The following PTPN14 variants were observed in gnomAD, a reference collection of about 807,000 sequenced individuals.
PTPN14 encodes the protein protein tyrosine phosphatase non-receptor type 14.
PTPN14 carries 53 observed loss-of-function variants against 126.8 expected under a neutral mutation model. That is an observed-to-expected ratio of 0.42 (90% CI 0.34 to 0.53). The LOEUF is 0.53. PTPN14 is among the 20% of genes least tolerant of loss of function. The probability of loss-of-function intolerance (pLI) is 0.08; values close to 1 mark genes in which losing one functional copy is unlikely to be tolerated. For synonymous variants in PTPN14, 630 were observed against 599.3 expected, an observed-to-expected ratio of 1.05 and a Z score of -0.75; for missense variants, 1,257 against 1,552.9, an observed-to-expected ratio of 0.81 and a Z score of 3.20.
At chr1:214,532,462 A>C (rs1655576712) in intron 1 of PTPN14, 1 of 826,436 alleles carries the variant, frequency 1.2e-6, no homozygotes, top group Non-Finnish European at 2.1e-6. Flanking sequence ...CTGGCCTCCT[A>C]CCTGGACAGA....
chr1:214,526,208 C>T (rs1655393132), intron 1 of PTPN14, among the ~76,000 whole-genome samples: 1 of 152,028 alleles, frequency 6.6e-6, no homozygotes, highest in African/African-American at 2.4e-5. Flanking sequence ...TCAGGTGATC[C>T]GCCTGCTTCC....
chr1:214,447,161 T>C (rs754342325), intron 3 of PTPN14, among the ~76,000 whole-genome samples: 1 of 152,142 alleles, frequency 6.6e-6, no homozygotes, highest in Non-Finnish European at 1.5e-5. Flanking sequence ...CCGCTCCTAA[T>C]GAATGTTGTT....
chr1:214,429,845 A>G (rs1659757803), intron 3 of PTPN14, among the ~76,000 whole-genome samples: 1 of 152,198 alleles, frequency 6.6e-6, no homozygotes, highest in African/African-American at 2.4e-5. Flanking sequence ...CATTTTTTCA[A>G]AACAGGGTTT....
chr1:214,476,912 T>C (rs1660881060), intron 1 of PTPN14, among the ~76,000 whole-genome samples: 1 of 152,226 alleles, frequency 6.6e-6, no homozygotes. Context: ...CTTCACGGAA[T>C]ACTGCAGGAA....
Position 214,369,667 on chromosome 1 carries a change from G to A in PTPN14, c.3061C>T (p.Arg1021Ter), listed in dbSNP as rs771183448. Residue 1021 changes from arginine to a stop codon, truncating the protein, a stop_gained, in exon 17 of 19, where the codon CGA (arginine) becomes TGA (stop). Transcript: ENST00000366956. LOFTEE classifies it high-confidence loss of function. ...EEEGGRTKSH[R>*]YWPKLGSKHS... ...TTTGAACCTAGTTTGGGCCAGTATCGGTGGCTTTTGGTTCGTCCACCCTCC... is the reference window on the plus strand; with the variant it reads ...TTTGAACCTAGTTTGGGCCAGTATCAGTGGCTTTTGGTTCGTCCACCCTCC... 4.3e-6 allele frequency: 7 copies of A among 1,613,976 alleles called. No individual in the cohort carries two copies. Among genetic ancestry groups the A allele is most frequent in the Non-Finnish European group, 5.1e-6 (6 of 1,180,002 alleles).
chr1:214,517,371 C>T (rs1655129676), intron 1 of PTPN14, among the ~76,000 whole-genome samples: 1 of 151,142 alleles, frequency 6.6e-6, no homozygotes, highest in African/African-American at 2.4e-5. Context: ...AAGTATGTCT[C>T]CTTGGCACAC....
At chr1:214,476,867 T>A (rs1660879241) in intron 1 of PTPN14, among the ~76,000 whole-genome samples, 1 of 152,204 alleles carries the variant, frequency 6.6e-6, no homozygotes. Context: ...GCATTGGTTA[T>A]GTGTTTGCTA....
At chr1:214,447,654 A>G (rs1287782196) in intron 3 of PTPN14, among the ~76,000 whole-genome samples, 1 of 151,922 alleles carries the variant, frequency 6.6e-6, no homozygotes, top group African/African-American at 2.4e-5. Context: ...TTCCAGTTTT[A>G]GGGCCCCTTG....
chr1:214,359,157 G>A (rs1048547812), intron 18 of PTPN14, among the ~76,000 whole-genome samples: 2 of 151,898 alleles, frequency 1.3e-5, no homozygotes, highest in Non-Finnish European at 2.9e-5. Flanking sequence ...ATGTCAAAGC[G>A]CCATCTCTGA....
chr1:214,544,174 C>T (rs1655911742), intron 1 of PTPN14, among the ~76,000 whole-genome samples: 1 of 152,172 alleles, frequency 6.6e-6, no homozygotes, highest in Non-Finnish European at 1.5e-5. Flanking sequence ...GCCTGGAATC[C>T]CAATACTTTG....
intron 4 of PTPN14, among the ~76,000 whole-genome samples, chr1:214,412,845 C>A (rs1659339703): frequency 6.6e-6 from 1 of 152,096 alleles, no homozygotes; most frequent in Admixed American, 6.6e-5. Context: ...GGAAAGAGTA[C>A]ATGCAGTAAA....
At chr1:214,490,549 T>C (rs995146489) in intron 1 of PTPN14, among the ~76,000 whole-genome samples, 1 of 152,022 alleles carries the variant, frequency 6.6e-6, no homozygotes, top group African/African-American at 2.4e-5. Context: ...TTTGTGTTCC[T>C]TTAAGAAACA....
intron 1 of PTPN14, among the ~76,000 whole-genome samples, chr1:214,470,681 G>A (rs893822219): frequency 1.3e-5 from 2 of 151,598 alleles, no homozygotes; most frequent in Non-Finnish European, 2.9e-5. Context: ...CTACTCGGGA[G>A]GCTGAGGCAG....
chr1:214,423,381 A>C (rs1299368780), intron 3 of PTPN14, among the ~76,000 whole-genome samples: 1 of 152,154 alleles, frequency 6.6e-6, no homozygotes, highest in Non-Finnish European at 1.5e-5. Context: ...GCCCATGTTA[A>C]GTCATATGGC....
intron 1 of PTPN14, among the ~76,000 whole-genome samples, chr1:214,526,863 G>A (rs368990919): frequency 2.0e-5 from 3 of 152,118 alleles, no homozygotes; most frequent in African/African-American, 4.8e-5. Context: ...AGGCCAACGC[G>A]GGGGGATCAC....
chr1:214,530,267 T>C (rs1655508005), intron 1 of PTPN14: 1 of 151,876 alleles, frequency 6.6e-6, no homozygotes, highest in African/African-American at 2.4e-5. Context: ...CAGTGTGGGG[T>C]CCCATAAGTG....
chr1:214,408,969 A>G (rs1270849606), intron 5 of PTPN14, among the ~76,000 whole-genome samples: 1 of 152,222 alleles, frequency 6.6e-6, no homozygotes, highest in East Asian at 1.9e-4. Context: ...CAAAACTTTA[A>G]TTCTATTGAC....
chr1:214,373,387 T>G (rs981453779), intron 15 of PTPN14, among the ~76,000 whole-genome samples: 1 of 152,186 alleles, frequency 6.6e-6, no homozygotes, highest in African/African-American at 2.4e-5. Context: ...TCACAGTATA[T>G]GCAAACTAGT....
At chr1:214,490,984 AAGGAAGGGAAG>A (rs1161047696) in intron 1 of PTPN14, among the ~76,000 whole-genome samples, 73 of 117,862 alleles carry the variant, frequency 6.2e-4, no homozygotes, top group Admixed American at 4.2e-3. Flanking sequence ...GAAAGGAAGG[AAGGAAGGGAAG>A]GAAAGGAAAG....
Sources: allele counts gnomAD v4.1 joint callset (sites outside exome capture counted in the v4.1 genomes callset), GRCh38; gene constraint gnomAD v4.1.1; transcripts MANE v1.5; gene names NCBI Gene and HGNC (gene_info 2026-07-23, HGNC 2026-07-21).